TAS1R2: variants seen among roughly 807,000 people sequenced by gnomAD.
TAS1R2 encodes taste receptor type 1 member 2.
In TAS1R2, 47 loss-of-function variants were observed where a neutral mutation model predicts 49.3. The observed-to-expected ratio is 0.95, with a 90% CI of 0.75 to 1.22. TAS1R2 has a LOEUF of 1.22. Among genes scored for constraint, TAS1R2 ranks in the 50% most tolerant of loss-of-function variants. The pLI, the probability that TAS1R2 is intolerant of heterozygous loss-of-function variation, is 0.00. For synonymous variants in TAS1R2, 479 were observed against 467.9 expected, an observed-to-expected ratio of 1.02 and a Z score of -0.31; for missense variants, 1,155 against 1,122.1, an observed-to-expected ratio of 1.03 and a Z score of -0.42.
chr1:18,849,111 G>A (rs1476752825), intron 4 of TAS1R2, among the ~76,000 whole-genome samples: 1 of 152,152 alleles, frequency 6.6e-6, no homozygotes, highest in Non-Finnish European at 1.5e-5. Flanking sequence ...TTACCTTGCA[G>A]AGGCCCCTGA....
intron 1 of TAS1R2, among the ~76,000 whole-genome samples, chr1:18,857,858 A>G (rs78591732): frequency 0.015 from 2,259 of 152,182 alleles, 35 homozygotes; most frequent in Non-Finnish European, 0.023. Context: ...CCATGTGGCC[A>G]TCATCACTAC....
chr1:18,840,295 C>T (rs1933797031), exon 6 of TAS1R2: 1 of 1,613,980 alleles, frequency 6.2e-7, no homozygotes, highest in African/African-American at 1.3e-5. Flanking sequence ...GCAGCAGTGT[C>T]AGCATCAGGA....
chr1:18,842,283 C>G (rs1434237147), intron 4 of TAS1R2, among the ~76,000 whole-genome samples: 2 of 152,178 alleles, frequency 1.3e-5, no homozygotes. Flanking sequence ...CACAGGATTA[C>G]AGAACACTTC....
intron 4 of TAS1R2, among the ~76,000 whole-genome samples, chr1:18,848,101 G>T (rs936255390): frequency 6.6e-6 from 1 of 152,294 alleles, no homozygotes; most frequent in Non-Finnish European, 1.5e-5. Flanking sequence ...TGAGATTTGG[G>T]TGGGGACACA....
chr1:18,858,108 A>T (rs900737063), intron 1 of TAS1R2, among the ~76,000 whole-genome samples: 5 of 151,876 alleles, frequency 3.3e-5, no homozygotes, highest in Middle Eastern at 3.4e-3. Flanking sequence ...CACCACCATC[A>T]CCACCACCAT....
At chr1:18,845,877 G>A (rs1213123180) in intron 4 of TAS1R2, among the ~76,000 whole-genome samples, 1 of 152,178 alleles carries the variant, frequency 6.6e-6, no homozygotes, top group African/African-American at 2.4e-5. Context: ...GCCAAATGCT[G>A]GCTGAGAGTG....
chr1:18,839,945 C>T lies in TAS1R2; in HGVS notation c.2174G>A (p.Arg725His), dbSNP rs768315702. ...GCTGGTGTTGAACAGCAGGCTGTTG[C>T]GGTAGTTGGGGTTACAGGAGACAAT... The change falls in exon 6 of 6, where the codon CGC (arginine) becomes CAC (histidine). Residue 725 changes from arginine (R) to histidine (H), a missense_variant. Physicochemically the swap from Arg to His is conservative, Grantham distance 29. Coordinates refer to ENST00000375371, the Ensembl canonical transcript of TAS1R2. 56 of 1,613,988 alleles carry T rather than the reference C, an allele frequency of 3.5e-5. No homozygotes were observed. Among genetic ancestry groups the T allele is most frequent in the East Asian group, 3.1e-4 (14 of 44,892 alleles).
At chr1:18,842,938 T>C (rs1390341912) in intron 4 of TAS1R2, among the ~76,000 whole-genome samples, 3 of 152,250 alleles carry the variant, frequency 2.0e-5, no homozygotes, top group Non-Finnish European at 2.9e-5. Flanking sequence ...GTAAATGTTA[T>C]GTTATATGTC....
At chr1:18,856,122 GC>G (rs942728017) in intron 2 of TAS1R2, among the ~76,000 whole-genome samples, 5 of 152,100 alleles carry the variant, frequency 3.3e-5, no homozygotes, top group Non-Finnish European at 5.9e-5. Context: ...TCCTTGAATG[GC>G]CCCTAAGGGC....
In TAS1R2 at chr1:18,854,994, G is replaced by A; in HGVS notation, c.484-8C>T. 1 of 1,599,348 alleles carries A rather than the reference G, an allele frequency of 6.3e-7. No individual in the cohort carries two copies. The highest frequency in any genetic ancestry group is 8.6e-7 in the Non-Finnish European group (1 of 1,168,544). Reference sequence around the variant, plus strand: ...GATGGCGCTGTAGGTGATCTGCAAGGGGAAGGGCTGTGGCATGAGCGAGTG... The same window carrying A: ...GATGGCGCTGTAGGTGATCTGCAAGAGGAAGGGCTGTGGCATGAGCGAGTG... On this transcript the variant is annotated splice_polypyrimidine_tract_variant and splice_region_variant and intron_variant, in intron 2 of 5. Coordinates refer to ENST00000375371, the Ensembl canonical transcript of TAS1R2. The surrounding 1 kb of genome is among the most constrained non-coding windows in gnomAD (Gnocchi z 4.9).
rs1426162860 is a variant in TAS1R2, at chr1:18,839,641, G to GT, written c.2477dup (p.Tyr826Ter). ...TGTAGCCCTGGATCATGCTGTTGAA[G>GT]TAGGCGGGCGTGTTGCGCTCCGGGT... is the stretch of plus-strand genomic sequence containing the variant. The change falls in exon 6 of 6, where the codon TAC (tyrosine) becomes TAAC (stop). Residue 826 changes from tyrosine to a stop codon, truncating the protein, a stop_gained and frameshift_variant. Coordinates refer to ENST00000375371, the Ensembl canonical transcript of TAS1R2. LOFTEE classifies it high-confidence loss of function. 2 of 1,614,194 alleles carry GT rather than the reference G, an allele frequency of 1.2e-6. No homozygotes were observed. Among genetic ancestry groups the GT allele is most frequent in the South Asian group, 2.2e-5 (2 of 91,080 alleles).
At chr1:18,855,221 G>T (rs1317415225) in intron 2 of TAS1R2, among the ~76,000 whole-genome samples, 2 of 151,876 alleles carry the variant, frequency 1.3e-5, no homozygotes, top group South Asian at 4.2e-4. Flanking sequence ...CGATTATTGA[G>T]CACCTACTGT....
chr1:18,859,591 T>C lies in TAS1R2; in HGVS notation c.70A>G (p.Asn24Asp), dbSNP rs759184509. ...TCCCCAGGCAGGTAGAAGTCCGAGT[T>C]CTCAGCCGGCTCAGCCAGGACCCAT... The change falls in exon 1 of 6, where the codon AAC (asparagine) becomes GAC (aspartate). Residue 24 changes from asparagine to aspartate, a missense_variant. Coordinates refer to ENST00000375371, the Ensembl canonical transcript of TAS1R2. 7.4e-6 allele frequency: 12 copies of C among 1,614,060 alleles called. No homozygotes were observed. In the South Asian group the frequency reaches 1.2e-4, roughly 16 times the overall value.
chr1:18,846,448 T>A (rs909416133), intron 4 of TAS1R2, among the ~76,000 whole-genome samples: 1 of 152,236 alleles, frequency 6.6e-6, no homozygotes, highest in Non-Finnish European at 1.5e-5. Context: ...CCCACTCCTG[T>A]TCCTGTCCAT....
Position 18,851,723 on chromosome 1 carries a change from C to T in TAS1R2, c.1258-2173G>A, listed in dbSNP as rs1017907855. On this transcript the variant is annotated intron_variant, in intron 3 of 5. Coordinates refer to ENST00000375371, the Ensembl canonical transcript of TAS1R2. ...TCTGACCCCACCACCACCATCAGCA[C>T]GGGCAGCACATCTACCCAGTGTCAT... Among the ~76,000 whole-genome samples the T allele has an allele frequency of 1.7e-4, 26 of 152,172 alleles. 1 individual carries two copies. The highest frequency in any genetic ancestry group is 5.8e-4 in the African/African-American group (24 of 41,434).
At chr1:18,846,884 G>T (rs1037747451) in intron 4 of TAS1R2, among the ~76,000 whole-genome samples, 1 of 152,224 alleles carries the variant, frequency 6.6e-6, no homozygotes, top group African/African-American at 2.4e-5. Flanking sequence ...CTCAAGAATG[G>T]TTTAGTACTA....
intron 3 of TAS1R2, among the ~76,000 whole-genome samples, chr1:18,853,467 G>A (rs1934067938): frequency 6.6e-6 from 1 of 152,050 alleles, no homozygotes; most frequent in Admixed American, 6.6e-5. Flanking sequence ...ATGAGAGAGA[G>A]AATTTCTTCA....
chr1:18,854,903 G>A lies in TAS1R2; in HGVS notation c.567C>T (p.His189=), dbSNP rs748440503. The A allele has an allele frequency of 3.7e-6, 6 of 1,613,412 alleles. No individual in the cohort carries two copies. In the South Asian group the frequency reaches 6.6e-5, roughly 18 times the overall value. The change falls in exon 3 of 6, where the codon CAC becomes CAT. Residue 189 remains histidine (H), a synonymous_variant. Coordinates refer to ENST00000375371, the Ensembl canonical transcript of TAS1R2. The surrounding 1 kb of genome is among the most constrained non-coding windows in gnomAD (Gnocchi z 4.9). ...TCAGCTGCACCATGGCCTCGATGTG[G>A]TGGTCGGCGCTGGGTGTGGTACGCA... is the stretch of plus-strand genomic sequence containing the variant.
At chr1:18,839,802 A>G (rs745319244) in exon 6 of TAS1R2, 2 of 1,614,218 alleles carry the variant, frequency 1.2e-6, no homozygotes, top group South Asian at 2.2e-5. Context: ...AGGGAGACGG[A>G]TGAGGTGAAA....
Sources: allele counts gnomAD v4.1 joint callset (sites outside exome capture counted in the v4.1 genomes callset), GRCh38; gene constraint gnomAD v4.1.1; non-coding constraint Gnocchi (gnomAD v3.1); transcripts MANE v1.5; gene names NCBI Gene and HGNC (gene_info 2026-07-23, HGNC 2026-07-21).